CAPN13: variants seen among roughly 807,000 people sequenced by gnomAD.
CAPN13 encodes calpain-13.
A neutral mutation model predicts 98.4 loss-of-function variants in CAPN13; 90 were observed. The observed-to-expected ratio is 0.92, with a 90% confidence interval of 0.77 to 1.09. CAPN13 has a LOEUF of 1.09. Ranked by LOEUF, CAPN13 falls within the 50% of genes least tolerant of loss-of-function variation. The probability of loss-of-function intolerance (pLI) is 0.00; values close to 1 mark genes in which losing one functional copy is unlikely to be tolerated. For missense variants in CAPN13, 887 were observed against 841.3 expected, an observed-to-expected ratio of 1.05 and a Z score of -0.67; for synonymous variants, 330 against 305.5, an observed-to-expected ratio of 1.08 and a Z score of -0.84.
At chr2:30,755,396 A>G (rs997711523) in intron 8 of CAPN13, among the ~76,000 whole-genome samples, 1 of 152,156 alleles carries the variant, frequency 6.6e-6, no homozygotes, top group Admixed American at 6.5e-5. Context: ...CTATCATCAC[A>G]GGTGTTTTGC....
intron 6 of CAPN13, among the ~76,000 whole-genome samples, chr2:30,763,793 T>A (rs1572839476): frequency 1.3e-5 from 2 of 152,324 alleles, no homozygotes; most frequent in African/African-American, 4.8e-5. Flanking sequence ...CACCAGTGCA[T>A]GGTAAAGCCC....
Position 30,770,461 on chromosome 2 carries a change from C to T in CAPN13, c.388-12G>A. 1 of 1,613,062 alleles carries T rather than the reference C, an allele frequency of 6.2e-7. No homozygotes were observed. Among genetic ancestry groups the T allele is most frequent in the Non-Finnish European group, 8.5e-7 (1 of 1,179,308 alleles). Reference sequence around the variant, plus strand: ...CCACATTGCCAGAACTGGAAGAGAGCCAAGCATATGCTTTGACAGAGTTGA... The same window carrying T: ...CCACATTGCCAGAACTGGAAGAGAGTCAAGCATATGCTTTGACAGAGTTGA... On this transcript the variant is annotated splice_polypyrimidine_tract_variant and intron_variant, in intron 4 of 22. Transcript: ENST00000295055.
chr2:30,733,464 T>C (rs1490547178), intron 19 of CAPN13, among the ~76,000 whole-genome samples: 2 of 152,124 alleles, frequency 1.3e-5, no homozygotes, highest in African/African-American at 4.8e-5. Flanking sequence ...TCTGGAGTCA[T>C]GTGTGAGGTC....
intron 1 of CAPN13, among the ~76,000 whole-genome samples, chr2:30,795,725 T>C (rs1267820476): frequency 6.6e-6 from 1 of 152,146 alleles, no homozygotes; most frequent in Non-Finnish European, 1.5e-5. Context: ...TCCTTTACAG[T>C]GTCTTTTGAT....
chr2:30,767,061 T>C (rs1673149622), intron 5 of CAPN13, among the ~76,000 whole-genome samples: 1 of 152,212 alleles, frequency 6.6e-6, no homozygotes. Context: ...CCTGTAGGAC[T>C]GACAGCGTCA....
Position 30,777,558 on chromosome 2 carries a change from C to T in CAPN13, c.271+9G>A. Reference sequence around the variant, plus strand: ...TCCAGGGCACGGAGGGAAGATGTTGCACTCTTACCTGCGCCTCCTTGTTGG... The same window carrying T: ...TCCAGGGCACGGAGGGAAGATGTTGTACTCTTACCTGCGCCTCCTTGTTGG... On this transcript the variant is annotated intron_variant, in intron 3 of 22. Transcript: ENST00000295055. 1 of 1,567,198 alleles carries T rather than the reference C, an allele frequency of 6.4e-7. No homozygotes were observed. The highest frequency in any genetic ancestry group is 8.7e-7 in the Non-Finnish European group (1 of 1,154,116).
Position 30,770,300 on chromosome 2 carries a change from GGGTTGTACTTACTT to G in CAPN13, c.523_524+12del. ...TGAAACTCTGGGCTGATGGGTGGCG[GGGTTGTACTTACTT>G]GGCATAGGCCTTCTCCAGCAGGCAG... is the stretch of plus-strand genomic sequence containing the variant. On this transcript the variant is annotated splice_donor_variant and splice_donor_5th_base_variant and coding_sequence_variant and intron_variant, in exon 5 of 23. Transcript: ENST00000295055. LOFTEE classifies it high-confidence loss of function. 1.2e-6 allele frequency: 2 copies of G among 1,613,078 alleles called. No homozygotes were observed. The highest frequency in any genetic ancestry group is 1.7e-6 in the Non-Finnish European group (2 of 1,179,344).
intron 1 of CAPN13, among the ~76,000 whole-genome samples, chr2:30,801,942 G>A (rs761730586): frequency 6.6e-6 from 1 of 152,214 alleles, no homozygotes; most frequent in Non-Finnish European, 1.5e-5. Context: ...AACAAGGAAT[G>A]CAGATGATGT....
intron 7 of CAPN13, 86 bp downstream of exon 7, chr2:30,762,996 C>G (rs1430046628): frequency 4.6e-6 from 5 of 1,094,720 alleles, no homozygotes; most frequent in Non-Finnish European, 5.2e-6. Flanking sequence ...CTTGGGCTTT[C>G]ATGTGATTCT....
At chr2:30,776,184 C>T (rs1673683212) in intron 3 of CAPN13, 139 bp from the exon 4 acceptor site, 2 of 558,994 alleles carry the variant, frequency 3.6e-6, no homozygotes, top group East Asian at 6.1e-5. Context: ...GAGAGGAGAA[C>T]CGGGGGAGGG....
chr2:30,732,026 C>T lies in CAPN13; in HGVS notation c.1927+412G>A, dbSNP rs560334968. Among the ~76,000 whole-genome samples the T allele has an allele frequency of 2.0e-5, 3 of 152,288 alleles. No individual in the cohort carries two copies. The South Asian group carries it at 6.2e-4, about 32-fold the overall frequency. On this transcript the variant is annotated intron_variant, in intron 20 of 22. Transcript: ENST00000295055. ...CTGCTAAAAAGTGTGGAAACTTCGGCCCACACAGTTGGATTTCTGAAGCCT... is the reference window on the plus strand; with the variant it reads ...CTGCTAAAAAGTGTGGAAACTTCGGTCCACACAGTTGGATTTCTGAAGCCT...
In CAPN13 at chr2:30,731,327, A is replaced by C. The variant is rs747386419; in HGVS notation, c.1983+17T>G. On this transcript the variant is annotated intron_variant, in intron 21 of 22. Coordinates refer to ENST00000295055, the MANE Select transcript of CAPN13 (RefSeq NM_144575.3). ...GCCTGGGACTGTGCCTGCCCCGGGG[A>C]GGGGAAGGTACCTCACCTCCATTTC... The C allele has an allele frequency of 4.4e-6, 7 of 1,603,634 alleles. No homozygotes were observed. The East Asian group carries it at 1.6e-4, about 36-fold the overall frequency.
chr2:30,741,856 A>G, intron 15 of CAPN13, 52 bp downstream of exon 15: 1 of 1,613,306 alleles, frequency 6.2e-7, no homozygotes, highest in South Asian at 1.1e-5. Context: ...TCCCTCCCTC[A>G]GGTCCCCTTT....
intron 1 of CAPN13, among the ~76,000 whole-genome samples, chr2:30,792,528 T>A (rs1674654411): frequency 6.6e-6 from 1 of 152,070 alleles, no homozygotes; most frequent in Non-Finnish European, 1.5e-5. Flanking sequence ...AAAATCTGAA[T>A]AATGCCACAT....
At chr2:30,776,573 A>G (rs1558330891) in intron 3 of CAPN13, among the ~76,000 whole-genome samples, 1 of 152,264 alleles carries the variant, frequency 6.6e-6, no homozygotes, top group East Asian at 1.9e-4. Flanking sequence ...GATGCTGTGT[A>G]CAATTGAGGA....
chr2:30,755,546 G>A (rs1478242877), intron 8 of CAPN13, among the ~76,000 whole-genome samples: 1 of 152,052 alleles, frequency 6.6e-6, no homozygotes, highest in Non-Finnish European at 1.5e-5. Flanking sequence ...TTGGGTCTCT[G>A]GTGAGGAAGA....
chr2:30,767,761 G>C (rs1673183460), intron 5 of CAPN13, among the ~76,000 whole-genome samples: 1 of 152,318 alleles, frequency 6.6e-6, no homozygotes, highest in African/African-American at 2.4e-5. Context: ...TGCACAAAAA[G>C]AGGTCTTGAG....
At chr2:30,759,886 C>T (rs563807938) in intron 7 of CAPN13, among the ~76,000 whole-genome samples, 2 of 152,230 alleles carry the variant, frequency 1.3e-5, no homozygotes, top group Admixed American at 6.5e-5. Context: ...GTGCAGGAGC[C>T]GCACAGTCAC....
At chr2:30,753,945 C>T (rs1382030288) in intron 9 of CAPN13, among the ~76,000 whole-genome samples, 1 of 152,090 alleles carries the variant, frequency 6.6e-6, no homozygotes, top group African/African-American at 2.4e-5. Context: ...CTGGGGAGCT[C>T]GAGGGTCCCA....
Sources: gnomAD v4.1 joint callset for allele counts (sites outside exome capture counted in the v4.1 genomes callset) on GRCh38, gnomAD v4.1.1 for gene constraint, MANE v1.5 for transcripts, NCBI Gene and HGNC (gene_info 2026-07-23, HGNC 2026-07-21) for gene names.